DIP2C: variants seen among roughly 807,000 people sequenced by gnomAD.
The protein encoded by DIP2C is DIP2 acetate--CoA ligase C (putative).
DIP2C carries 33 observed loss-of-function variants against 192.4 expected under a neutral mutation model. The ratio of observed to expected loss-of-function variants is 0.17; its 90% confidence interval spans 0.13 to 0.23. The LOEUF (loss-of-function observed/expected upper bound fraction) is 0.23. DIP2C is among the 10% of genes least tolerant of loss of function. The pLI, the probability that DIP2C is intolerant of heterozygous loss-of-function variation, is 1.00. For synonymous variants in DIP2C, 979 were observed against 864.1 expected, an observed-to-expected ratio of 1.13 and a Z score of -2.33; for missense variants, 1,537 against 2,110.1, an observed-to-expected ratio of 0.73 and a Z score of 5.32.
rs534005838 is a variant in DIP2C at position 547,450 on chromosome 10, A to T, written c.86-60920T>A. ...GGGCTCACATCACTGAGAAGGAAGG[A>T]AGGTTGACAGCGAAGTACCCAGCAA... On this transcript the variant is annotated intron_variant, in intron 1 of 36. Transcript: ENST00000280886. Among the ~76,000 whole-genome samples, 5 of 152,178 alleles carry T rather than the reference A, an allele frequency of 3.3e-5. No individual in the cohort carries two copies. In the South Asian group the frequency reaches 1.0e-3, roughly 32 times the overall value.
At chr10:344,787 C>A in intron 28 of DIP2C, 22 bp downstream of exon 28, 1 of 1,561,292 alleles carries the variant, frequency 6.4e-7, no homozygotes, top group Non-Finnish European at 8.7e-7. Flanking sequence ...CCATGGCCAC[C>A]GCCCGCAGCC....
At chr10:658,909 A>G (rs898691567) in intron 1 of DIP2C, among the ~76,000 whole-genome samples, 1 of 152,226 alleles carries the variant, frequency 6.6e-6, no homozygotes, top group Non-Finnish European at 1.5e-5. Context: ...TGGCCCTCCC[A>G]GAGAGGACTC....
chr10:584,625 G>A (rs563367733), intron 1 of DIP2C, among the ~76,000 whole-genome samples: 18 of 100,562 alleles, frequency 1.8e-4, no homozygotes, highest in African/African-American at 7.4e-4. Context: ...CCCGCGACCT[G>A]ACCCCCACTC....
rs12783821 is a variant in DIP2C at position 297,011 on chromosome 10, C to A, written c.3987-8590G>T. Among the ~76,000 whole-genome samples, 7 of 151,716 alleles carry A rather than the reference C, an allele frequency of 4.6e-5. No homozygotes were observed. In the East Asian group the frequency reaches 1.2e-3, roughly 25 times the overall value. On this transcript the variant is annotated intron_variant, in intron 32 of 36. Transcript: ENST00000280886. ...ATGTAACAAACCTGCACGTTGTGCA[C>A]ATGTACCCTAGAACTTAAAGTATAA...
At chr10:534,619 A>G (rs981012080) in intron 1 of DIP2C, among the ~76,000 whole-genome samples, 2 of 151,782 alleles carry the variant, frequency 1.3e-5, no homozygotes, top group African/African-American at 4.9e-5. Flanking sequence ...TTCCAGCCCC[A>G]TCTACCCTCC....
chr10:475,738 C>G (rs1318542892), intron 2 of DIP2C, among the ~76,000 whole-genome samples: 1 of 152,198 alleles, frequency 6.6e-6, no homozygotes, highest in Non-Finnish European at 1.5e-5. Context: ...TTCCTTCATT[C>G]ATTTTCCTTT....
At chr10:509,246 C>T (rs1194268303) in intron 1 of DIP2C, among the ~76,000 whole-genome samples, 1 of 152,186 alleles carries the variant, frequency 6.6e-6, no homozygotes, top group Non-Finnish European at 1.5e-5. Flanking sequence ...GAAGGAAAAC[C>T]CGTCCTAACC....
At position 425,416 on chromosome 10, in the gene DIP2C, G is replaced by A. The variant is rs1458646898; in HGVS notation, c.395-2383C>T. ...TGACTAATATGACACGGATGATACGGCATGACCAGCAGTGACTAATATGAC... is the reference window on the plus strand; with the variant it reads ...TGACTAATATGACACGGATGATACGACATGACCAGCAGTGACTAATATGAC... On this transcript the variant is annotated intron_variant, in intron 4 of 36. Coordinates refer to ENST00000280886, the MANE Select transcript of DIP2C (RefSeq NM_014974.3). 3.4e-5 allele frequency among the ~76,000 whole-genome samples: 5 copies of A among 148,552 alleles called. No homozygotes were observed. The Admixed American group carries it at 3.4e-4, about 10-fold the overall frequency.
At chr10:603,587 ACT>A (rs1484581307) in intron 1 of DIP2C, among the ~76,000 whole-genome samples, 4 of 152,238 alleles carry the variant, frequency 2.6e-5, no homozygotes, top group Admixed American at 6.5e-5. Flanking sequence ...CACAGAAGAC[ACT>A]GTTTCTGTCC....
At chr10:548,213 C>CT (rs796335089) in intron 1 of DIP2C, among the ~76,000 whole-genome samples, 2 of 100,208 alleles carry the variant, frequency 2.0e-5, no homozygotes, top group South Asian at 8.8e-4. Flanking sequence ...GCCCCACCCC[C>CT]CCCCCCACAG....
intron 1 of DIP2C, among the ~76,000 whole-genome samples, chr10:526,353 A>G (rs1365715205): frequency 6.6e-6 from 1 of 152,174 alleles, no homozygotes; most frequent in African/African-American, 2.4e-5. Flanking sequence ...TAGCATATAA[A>G]TGTGTGCATT....
At chr10:361,644 G>A (rs3922851) in intron 22 of DIP2C, among the ~76,000 whole-genome samples, 63,497 of 151,954 alleles carry the variant, frequency 0.42, 13,490 homozygotes, top group African/African-American at 0.48. Context: ...AGGTCACTTC[G>A]GAGTTTACAA....
At position 472,506 on chromosome 10, in the gene DIP2C, A is replaced by T. The variant is rs765633745; in HGVS notation, c.201T>A (p.Thr67=). The part of the protein sequence containing the change: ...ALPQERRAPV[T]PSSASRYHRR... ...GGTGGTAGCGAGAGGCGGAGGAAGGAGTGACAGGAGCCCGGCGTTCTTGCG... is the reference window on the plus strand; with the variant it reads ...GGTGGTAGCGAGAGGCGGAGGAAGGTGTGACAGGAGCCCGGCGTTCTTGCG... Residue 67 remains threonine (T), a synonymous_variant, in exon 3 of 37, where the codon ACT becomes ACA. Transcript: ENST00000280886. The T allele has an allele frequency of 6.2e-7, 1 of 1,614,192 alleles. No individual in the cohort carries two copies. Among genetic ancestry groups the T allele is most frequent in the South Asian group, 1.1e-5 (1 of 91,082 alleles).
At chr10:381,738 A>T (rs111830722) in intron 17 of DIP2C, among the ~76,000 whole-genome samples, 43 of 152,346 alleles carry the variant, frequency 2.8e-4, no homozygotes, top group Non-Finnish European at 5.0e-4. Flanking sequence ...TGCTCTGGGA[A>T]GCCTGTTGCA....
At chr10:352,640 C>A (rs551323640) in intron 24 of DIP2C, among the ~76,000 whole-genome samples, 183 of 152,336 alleles carry the variant, frequency 1.2e-3, no homozygotes, top group African/African-American at 4.4e-3. Flanking sequence ...CAGGTGGGCG[C>A]CTTTCTTGCC....
chr10:619,537 GCCCGCCCTCCCA>G (rs1853719981), intron 1 of DIP2C, among the ~76,000 whole-genome samples: 2 of 51,330 alleles, frequency 3.9e-5, no homozygotes, highest in African/African-American at 1.0e-4. Context: ...AAGCCCGCCC[GCCCGCCCTCCCA>G]CCCAGCTCCT....
In DIP2C at chr10:276,198, A is replaced by G. The variant is rs1954507353; in HGVS notation, c.*1127T>C. The stretch of plus-strand genomic sequence containing the variant: ...CTCAGTATCATCAGCACACGCTGGC[A>G]TAAACACATTCACTGTTGTCCCACA... On this transcript the variant is annotated 3_prime_UTR_variant, in exon 37 of 37. Coordinates refer to ENST00000280886, the MANE Select transcript of DIP2C (RefSeq NM_014974.3). The G allele has an allele frequency of 6.5e-6, 1 of 152,702 alleles. No homozygotes were observed. The highest frequency in any genetic ancestry group is 2.4e-5 in the African/African-American group (1 of 41,470). 9.5% of individuals were successfully genotyped at this position (152,702 alleles called of 1,614,324 possible).
At chr10:596,139 G>A (rs1474066685) in intron 1 of DIP2C, among the ~76,000 whole-genome samples, 2 of 152,156 alleles carry the variant, frequency 1.3e-5, no homozygotes, top group African/African-American at 2.4e-5. Flanking sequence ...GCTATGAAAA[G>A]CTGAAAGGTC....
intron 1 of DIP2C, among the ~76,000 whole-genome samples, chr10:567,994 G>A (rs1381913063): frequency 3.9e-5 from 6 of 151,910 alleles, no homozygotes; most frequent in Non-Finnish European, 8.8e-5. Context: ...ACGTCCCACC[G>A]AGCTTCCCAC....
Sources: gnomAD v4.1 joint callset for allele counts (sites outside exome capture counted in the v4.1 genomes callset) on GRCh38, gnomAD v4.1.1 for gene constraint, MANE v1.5 for transcripts, NCBI Gene and HGNC (gene_info 2026-07-23, HGNC 2026-07-21) for gene names.